The following PIK3C2G variants were observed in gnomAD, a reference collection of about 807,000 sequenced individuals.
The protein encoded by PIK3C2G is phosphatidylinositol-4-phosphate 3-kinase catalytic subunit type 2 gamma, also known as phosphatidylinositol 3-kinase C2 domain-containing subunit gamma.
In PIK3C2G, 168 loss-of-function variants were observed where a neutral mutation model predicts 181.1. That is an observed-to-expected ratio of 0.93 (90% CI 0.82 to 1.05). The LOEUF is 1.05. Ranked by LOEUF, PIK3C2G falls within the 50% of genes least tolerant of loss-of-function variation. PIK3C2G has a pLI of 0.00. For missense variants in PIK3C2G, 1,869 were observed against 1,732.8 expected (o/e 1.08, Z -1.40); for synonymous variants, 573 against 592.2 (o/e 0.97, Z 0.47).
chr12:18,478,597 T>A (rs1323432745), intron 18 of PIK3C2G, among the ~76,000 whole-genome samples: 1 of 152,188 alleles, frequency 6.6e-6, no homozygotes, highest in Non-Finnish European at 1.5e-5. Context: ...ATGATTTGCA[T>A]CATCAGAATA....
At chr12:18,548,227 G>A (rs1280132222) in intron 26 of PIK3C2G, among the ~76,000 whole-genome samples, 1 of 151,964 alleles carries the variant, frequency 6.6e-6, no homozygotes, top group Non-Finnish European at 1.5e-5. Context: ...GGCTGGGTGG[G>A]AAGACAAAGG....
chr12:18,280,404 T>C (rs1192382465), intron 1 of PIK3C2G, among the ~76,000 whole-genome samples: 1 of 152,052 alleles, frequency 6.6e-6, no homozygotes, highest in East Asian at 1.9e-4. Context: ...AGAAGGTTTC[T>C]TTGAAGAAAT....
chr12:18,251,174 T>C (rs1259101647), intron 1 of PIK3C2G, among the ~76,000 whole-genome samples: 3 of 152,136 alleles, frequency 2.0e-5, no homozygotes, highest in Admixed American at 1.3e-4. Flanking sequence ...CAAAGACAGA[T>C]GGAGAACATC....
intron 5 of PIK3C2G, among the ~76,000 whole-genome samples, chr12:18,304,214 T>C (rs1410966836): frequency 6.6e-6 from 1 of 152,180 alleles, no homozygotes; most frequent in Non-Finnish European, 1.5e-5. Flanking sequence ...AAAACTTCTA[T>C]ATTTTAAAAA....
At chr12:18,348,901 A>G (rs182386319) in intron 11 of PIK3C2G, among the ~76,000 whole-genome samples, 1 of 152,272 alleles carries the variant, frequency 6.6e-6, no homozygotes, top group African/African-American at 2.4e-5. Context: ...CTGAGACCAC[A>G]GTCATCTCAA....
At chr12:18,683,564 G>T in the PIK3C2G span, 3 of 1,478,678 alleles carry the variant, frequency 2.0e-6, no homozygotes, top group Non-Finnish European at 2.7e-6. Flanking sequence ...GCAAAGCGCT[G>T]CATGATCCAA....
At chr12:18,366,402 C>T (rs1941645152) in intron 12 of PIK3C2G, among the ~76,000 whole-genome samples, 1 of 151,926 alleles carries the variant, frequency 6.6e-6, no homozygotes, top group African/African-American at 2.4e-5. Context: ...GCGTGGTGGC[C>T]TGTACCTGTA....
intron 31 of PIK3C2G, among the ~76,000 whole-genome samples, chr12:18,630,836 C>T (rs543387954): frequency 2.0e-5 from 3 of 152,176 alleles, no homozygotes; most frequent in African/African-American, 7.2e-5. Flanking sequence ...TTTATTTCAA[C>T]CTACCATGAG....
At chr12:18,356,309 G>A (rs533751184) in intron 11 of PIK3C2G, among the ~76,000 whole-genome samples, 1 of 152,292 alleles carries the variant, frequency 6.6e-6, no homozygotes, top group South Asian at 2.1e-4. Context: ...GATTCATGAA[G>A]GGGTTGGCTC....
intron 1 of PIK3C2G, among the ~76,000 whole-genome samples, chr12:18,256,319 T>G (rs1206139102): frequency 2.6e-5 from 4 of 151,934 alleles, no homozygotes; most frequent in Non-Finnish European, 5.9e-5. Flanking sequence ...CATGGGCAAA[T>G]TATCATACCC....
the PIK3C2G span, among the ~76,000 whole-genome samples, chr12:18,687,008 G>A: frequency 6.6e-6 from 1 of 151,952 alleles, no homozygotes; most frequent in South Asian, 2.1e-4. Flanking sequence ...AGGATGGAGG[G>A]AACAAGAGAT....
chr12:18,640,340 C>A (rs2136792370), intron 31 of PIK3C2G, 89 bp from the exon 32 acceptor site: 3 of 1,082,998 alleles, frequency 2.8e-6, no homozygotes, highest in East Asian at 2.7e-5. Flanking sequence ...AAATCCTGAT[C>A]CTGCCTTTGG....
chr12:18,559,665 A>T (rs932918508), intron 26 of PIK3C2G, among the ~76,000 whole-genome samples: 2 of 150,920 alleles, frequency 1.3e-5, no homozygotes, highest in South Asian at 4.2e-4. Context: ...TTGGACATAT[A>T]ATCCAAATTG....
upstream of PIK3C2G, among the ~76,000 whole-genome samples, chr12:18,245,061 T>C (rs568829444): frequency 6.6e-6 from 1 of 152,246 alleles, no homozygotes; most frequent in Non-Finnish European, 1.5e-5. Context: ...GATCAAATGA[T>C]AAAGCATGTG....
chr12:18,673,930 G>A, the PIK3C2G span, among the ~76,000 whole-genome samples: 10 of 152,244 alleles, frequency 6.6e-5, no homozygotes, highest in Non-Finnish European at 1.3e-4. Context: ...GAAAACAATT[G>A]TCTACTAGCA....
chr12:18,388,943 T>C (rs1943358389), intron 14 of PIK3C2G, among the ~76,000 whole-genome samples: 1 of 152,182 alleles, frequency 6.6e-6, no homozygotes, highest in Non-Finnish European at 1.5e-5. Context: ...GTTGTTGTTG[T>C]TGCTGTTGTT....
intron 11 of PIK3C2G, among the ~76,000 whole-genome samples, chr12:18,356,360 G>A (rs1185870760): frequency 6.6e-6 from 1 of 152,132 alleles, no homozygotes; most frequent in African/African-American, 2.4e-5. Context: ...ACAGGAGGGG[G>A]AACACGCCGG....
intron 29 of PIK3C2G, among the ~76,000 whole-genome samples, chr12:18,580,894 T>C (rs182955432): frequency 6.6e-6 from 1 of 152,334 alleles, no homozygotes; most frequent in Non-Finnish European, 1.5e-5. Context: ...TCACTAAAGC[T>C]AAATCTTGCA....
At position 18,538,330 on chromosome 12, in the gene PIK3C2G, A is replaced by T; in HGVS notation, c.3480+18A>T. The T allele has an allele frequency of 1.3e-6, 2 of 1,573,798 alleles. No homozygotes were observed. The highest frequency in any genetic ancestry group is 2.2e-5 in the East Asian group (1 of 44,552). On this transcript the variant is annotated intron_variant, in intron 25 of 32. Transcript: ENST00000538779. ...TGGAAATGGTAAGTCCCTTGGGAAA[A>T]AAAAACAAAAATAATAAGCTTCATT...
Sources: gnomAD v4.1 joint callset for allele counts (sites outside exome capture counted in the v4.1 genomes callset) on GRCh38, gnomAD v4.1.1 for gene constraint, MANE v1.5 for transcripts, NCBI Gene and HGNC (gene_info 2026-07-23, HGNC 2026-07-21) for gene names.